The following NFIC variants were observed in gnomAD, a reference collection of about 807,000 sequenced individuals.
NFIC encodes the protein nuclear factor 1 C-type.
In NFIC, 12 loss-of-function variants were observed where a neutral mutation model predicts 54.4. The observed-to-expected ratio is 0.22, with a 90% CI of 0.14 to 0.36. The LOEUF is 0.36. NFIC is among the 10% of genes least tolerant of loss of function. The pLI, the probability that NFIC is intolerant of heterozygous loss-of-function variation, is 1.00. For missense variants in NFIC, 575 were observed against 718.2 expected (o/e 0.80, Z 2.28); for synonymous variants, 322 against 319.2 (o/e 1.01, Z -0.09).
chr19:3,416,146 G>A lies in NFIC; in HGVS notation c.563-8960G>A, dbSNP rs1453310280. Among the ~76,000 whole-genome samples, 10 of 149,150 alleles carry A rather than the reference G, an allele frequency of 6.7e-5. No individual in the cohort carries two copies. In the Middle Eastern group the frequency reaches 0.01, roughly 156 times the overall value. On this transcript the variant is annotated intron_variant, in intron 2 of 10. Transcript: ENST00000443272. ...CCACTGTCCTCCATCCCGGGCCACA[G>A]AGTGAGGCCCTGTCTCAAAAAAAAA...
intron 10 of NFIC, 25 bp downstream of exon 10, chr19:3,456,660 GGGGT>G: frequency 6.7e-7 from 1 of 1,487,224 alleles, no homozygotes; most frequent in Non-Finnish European, 9.2e-7. Context: ...GCCGGCTGGT[GGGGT>G]GGGAGGGGCA....
chr19:3,409,377 G>A (rs754471346), intron 2 of NFIC, among the ~76,000 whole-genome samples: 4 of 152,054 alleles, frequency 2.6e-5, no homozygotes, highest in Non-Finnish European at 5.9e-5. Flanking sequence ...CTCCAACGCC[G>A]CCCCCAAAGC....
rs1202246923 is a variant in NFIC at position 3,369,727 on chromosome 19, C to T, written c.30+3061C>T. Among the ~76,000 whole-genome samples the T allele has an allele frequency of 1.3e-5, 2 of 152,188 alleles. No individual in the cohort carries two copies. Among genetic ancestry groups the T allele is most frequent in the African/African-American group, 2.4e-5 (1 of 41,460 alleles). ...GCCGGCGGGAAGGCCGGCCTCCCCG[C>T]GCCTGCTCTGGGCCTCCCTCCCTGC... On this transcript the variant is annotated intron_variant, in intron 1 of 10. Coordinates refer to ENST00000443272, the MANE Select transcript of NFIC (RefSeq NM_001245002.2). This position sits in a 1 kb window ranked among gnomAD's most constrained non-coding sequence, Gnocchi z 4.3.
rs551667735 is a variant in NFIC, at chr19:3,467,758, CATATATAT to C, written c.*5013_*5020del. ...ACCTCCAGTGTAGGGCTATACTATA[CATATATAT>C]ATATATATATATATATATATATAAT... On this transcript the variant is annotated 3_prime_UTR_variant, in exon 11 of 11. Transcript: ENST00000443272. The C allele has an allele frequency of 2.3e-3, 158 of 69,640 alleles. 8 individuals carry two copies. Among genetic ancestry groups the C allele is most frequent in the East Asian group, 0.022 (29 of 1,302 alleles). 4.3% of individuals were successfully genotyped at this position (69,640 alleles called of 1,614,324 possible). A position where few individuals can be genotyped will look rare whatever the true frequency, so the allele number is the denominator to read the frequency against.
Position 3,452,601 on chromosome 19 carries a change from C to T in NFIC, c.1204C>T (p.Pro402Ser). The T allele has an allele frequency of 6.2e-7, 1 of 1,613,898 alleles. No individual in the cohort carries two copies. The highest frequency in any genetic ancestry group is 8.5e-7 in the Non-Finnish European group (1 of 1,179,996). Reference protein sequence around the residue: ...TAIRYPPHLNPQDPLKDLVSL... With the variant: ...TAIRYPPHLNSQDPLKDLVSL... ...CATCCGCTACCCACCTCATCTCAACCCCCAGGACCCGCTCAAAGATCTTGT... is the reference window on the plus strand; with the variant it reads ...CATCCGCTACCCACCTCATCTCAACTCCCAGGACCCGCTCAAAGATCTTGT... The change falls in exon 8 of 11, where the codon CCC becomes TCC. Residue 402 changes from proline to serine, a missense_variant. Physicochemically the swap from Pro to Ser is moderately conservative, Grantham distance 74. Transcript: ENST00000443272. This position sits in a 1 kb window ranked among gnomAD's most constrained non-coding sequence, Gnocchi z 5.3.
At position 3,459,666 on chromosome 19, in the gene NFIC, G is replaced by T. The variant is rs2082612128; in HGVS notation, c.1509+3031G>T. On this transcript the variant is annotated intron_variant, in intron 10 of 10. Coordinates refer to ENST00000443272, the MANE Select transcript of NFIC (RefSeq NM_001245002.2). The surrounding 1 kb of genome is among the most constrained non-coding windows in gnomAD (Gnocchi z 4.2). ...CCACAGCCAGGCAGGAAGGGGAGGG[G>T]AGGGAAGGGAGGAGGGAGGAAGGGC... Among the ~76,000 whole-genome samples, 2 of 152,246 alleles carry T rather than the reference G, an allele frequency of 1.3e-5. No homozygotes were observed. The highest frequency in any genetic ancestry group is 4.1e-4 in the South Asian group (2 of 4,832).
intron 6 of NFIC, among the ~76,000 whole-genome samples, chr19:3,445,744 C>T (rs1313588281): frequency 6.6e-6 from 1 of 152,172 alleles, no homozygotes; most frequent in Non-Finnish European, 1.5e-5. Context: ...TGAGTGGTAA[C>T]CCCGTTCAGG....
chr19:3,453,791 C>G lies in NFIC; in HGVS notation c.1298C>G (p.Pro433Arg), dbSNP rs768252135. 1 of 1,605,648 alleles carries G rather than the reference C, an allele frequency of 6.2e-7. No homozygotes were observed. The highest frequency in any genetic ancestry group is 1.1e-5 in the South Asian group (1 of 89,836). The part of the protein sequence containing the change: ...PLNGSGQLKM[P>R]SHCLSAQMLA... Reference sequence around the variant, plus strand: ...AATGGAAGTGGTCAGCTCAAAATGCCCAGCCACTGCCTTTCTGCTCAGATG... The same window carrying G: ...AATGGAAGTGGTCAGCTCAAAATGCGCAGCCACTGCCTTTCTGCTCAGATG... The change falls in exon 9 of 11, where the codon CCC (proline) becomes CGC (arginine). Residue 433 changes from proline (P) to arginine (R), a missense_variant. Physicochemically the swap from Pro to Arg is moderately radical, Grantham distance 103. This residue lies in a region of NFIC where 447 missense variants were observed against 526.9 expected (regional missense o/e 0.85). Coordinates refer to ENST00000443272, the MANE Select transcript of NFIC (RefSeq NM_001245002.2). This position sits in a 1 kb window ranked among gnomAD's most constrained non-coding sequence, Gnocchi z 6.7.
upstream of NFIC, among the ~76,000 whole-genome samples, chr19:3,362,027 G>T (rs908158950): frequency 3.9e-5 from 6 of 152,180 alleles, no homozygotes; most frequent in Admixed American, 2.0e-4. Context: ...CGCACTTGCG[G>T]GGGGATAGAC....
intron 2 of NFIC, among the ~76,000 whole-genome samples, chr19:3,384,879 T>C (rs1304436494): frequency 6.6e-6 from 1 of 152,088 alleles, no homozygotes; most frequent in Admixed American, 6.5e-5. Flanking sequence ...GTTCTCATCG[T>C]CACACAGGGC....
intron 2 of NFIC, among the ~76,000 whole-genome samples, chr19:3,408,890 C>T (rs919055686): frequency 2.0e-5 from 3 of 152,110 alleles, no homozygotes; most frequent in Non-Finnish European, 4.4e-5. Context: ...GGCTGACACC[C>T]GGCTAATTTT....
chr19:3,409,507 C>CT lies in NFIC; in HGVS notation c.563-15599_563-15598insT, dbSNP rs199609348. 5.2e-3 allele frequency among the ~76,000 whole-genome samples: 786 copies of CT among 152,304 alleles called. 8 individuals are homozygous for CT. The highest frequency in any genetic ancestry group is 0.018 in the African/African-American group (738 of 41,556). ...CCTCCCCACTTCCTTCTCTGCCATCCCCCCAAGGCCTGGCGAGTAGTAGGT... is the reference window on the plus strand; with the variant it reads ...CCTCCCCACTTCCTTCTCTGCCATCCTCCCCAAGGCCTGGCGAGTAGTAGGT... On this transcript the variant is annotated intron_variant, in intron 2 of 10. Transcript: ENST00000443272.
chr19:3,448,696 C>T (rs4807471), intron 6 of NFIC, among the ~76,000 whole-genome samples: 121,939 of 152,094 alleles, frequency 0.8, 50,101 homozygotes, highest in African/African-American at 0.95. Context: ...GGGTGACTCC[C>T]AGGTGATGGG....
chr19:3,370,727 T>C lies in NFIC; in HGVS notation c.30+4061T>C, dbSNP rs541409295. On this transcript the variant is annotated intron_variant, in intron 1 of 10. Transcript: ENST00000443272. The surrounding 1 kb of genome is among the most constrained non-coding windows in gnomAD (Gnocchi z 5.2). Reference sequence around the variant, plus strand: ...TTCTTTCTCCCTCCCTTCCTCTCTCTCTGTTCCTCCTCTTCTTTCTCTCTC... The same window carrying C: ...TTCTTTCTCCCTCCCTTCCTCTCTCCCTGTTCCTCCTCTTCTTTCTCTCTC... Among the ~76,000 whole-genome samples, 15 of 151,396 alleles carry C rather than the reference T, an allele frequency of 9.9e-5. No individual in the cohort carries two copies. The highest frequency in any genetic ancestry group is 1.6e-4 in the Non-Finnish European group (11 of 67,876).
chr19:3,410,335 A>G (rs2081734784), intron 2 of NFIC, among the ~76,000 whole-genome samples: 1 of 152,226 alleles, frequency 6.6e-6, no homozygotes, highest in Admixed American at 6.5e-5. Flanking sequence ...GTGCTGAAAG[A>G]GGCATTTGTG....
intron 6 of NFIC, among the ~76,000 whole-genome samples, chr19:3,440,619 C>T (rs1467198735): frequency 6.6e-6 from 1 of 151,928 alleles, no homozygotes; most frequent in Non-Finnish European, 1.5e-5. Flanking sequence ...TTAGCGGAGG[C>T]GGGTTTTCAC....
chr19:3,403,309 C>T (rs1346182543), intron 2 of NFIC, among the ~76,000 whole-genome samples: 2 of 152,224 alleles, frequency 1.3e-5, no homozygotes, highest in African/African-American at 2.4e-5. Flanking sequence ...AACATTTAAA[C>T]CTCTGGGTTC....
chr19:3,456,722 G>C, intron 10 of NFIC, 87 bp downstream of exon 10: 1 of 1,251,164 alleles, frequency 8.0e-7, no homozygotes, highest in Non-Finnish European at 1.1e-6. Flanking sequence ...GGGCCTGCTG[G>C]GTCCCACGCC....
intron 2 of NFIC, among the ~76,000 whole-genome samples, chr19:3,391,702 C>T (rs2081379543): frequency 6.6e-6 from 1 of 152,212 alleles, no homozygotes; most frequent in South Asian, 2.1e-4. Context: ...GAGGCTGAGG[C>T]AGGAGAATCA....
Sources: allele counts gnomAD v4.1 joint callset (sites outside exome capture counted in the v4.1 genomes callset), GRCh38; gene constraint gnomAD v4.1.1; regional missense constraint gnomAD v4.1.1; non-coding constraint Gnocchi (gnomAD v3.1); transcripts MANE v1.5; gene names NCBI Gene and HGNC (gene_info 2026-07-23, HGNC 2026-07-21).